The following MMP16 variants were observed in gnomAD, a reference collection of about 807,000 sequenced individuals.
The protein encoded by MMP16 is matrix metallopeptidase 16, also known as matrix metalloproteinase-16.
MMP16 carries 12 observed loss-of-function variants against 67.8 expected under a neutral mutation model. The ratio of observed to expected loss-of-function variants is 0.18; its 90% CI spans 0.11 to 0.29. MMP16 has a LOEUF of 0.29. Ranked by LOEUF, MMP16 falls within the 10% of genes least tolerant of loss-of-function variation. MMP16 has a pLI of 1.00. For missense variants in MMP16, 475 were observed against 765.7 expected (o/e 0.62, Z 4.48); for synonymous variants, 249 against 255.9 (o/e 0.97, Z 0.26).
intron 6 of MMP16, among the ~76,000 whole-genome samples, chr8:88,083,875 A>G (rs1224652763): frequency 6.6e-6 from 1 of 152,050 alleles, no homozygotes; most frequent in Non-Finnish European, 1.5e-5. Context: ...ACCTATTACT[A>G]AAAAACAGCC....
chr8:88,075,938 T>TACACACACACACACACAC (rs71556442), intron 6 of MMP16, among the ~76,000 whole-genome samples: 1,552 of 140,440 alleles, frequency 0.011, 17 homozygotes, highest in Non-Finnish European at 0.014. Flanking sequence ...CATATATTCA[T>TACACACACACACACACAC]ACACACACAC....
chr8:88,282,749 G>A (rs1810761467), intron 1 of MMP16, among the ~76,000 whole-genome samples: 1 of 152,114 alleles, frequency 6.6e-6, no homozygotes, highest in Non-Finnish European at 1.5e-5. Context: ...TTAAAAAATA[G>A]TTATGGGAAT....
intron 1 of MMP16, among the ~76,000 whole-genome samples, chr8:88,317,658 A>C (rs1291789377): frequency 6.6e-6 from 1 of 152,168 alleles, no homozygotes; most frequent in Non-Finnish European, 1.5e-5. Flanking sequence ...GGAATATTTA[A>C]ATTTTGTAAA....
At chr8:88,072,682 T>C (rs145418383) in intron 7 of MMP16, among the ~76,000 whole-genome samples, 1,723 of 152,222 alleles carry the variant, frequency 0.011, 119 homozygotes, top group Admixed American at 0.11. Context: ...GTTGCTTTAA[T>C]TGAAATGTTT....
intron 4 of MMP16, among the ~76,000 whole-genome samples, chr8:88,160,159 C>T (rs149421855): frequency 1.3e-5 from 2 of 151,838 alleles, no homozygotes; most frequent in Non-Finnish European, 2.9e-5. Context: ...GTGTCATGTT[C>T]CCCTTCCTGT....
Position 88,041,820 on chromosome 8 carries a change from A to T in MMP16, c.1490-25T>A. The T allele has an allele frequency of 6.6e-7, 1 of 1,512,504 alleles. No homozygotes were observed. The highest frequency in any genetic ancestry group is 9.1e-7 in the Non-Finnish European group (1 of 1,101,390). 93.7% of individuals were successfully genotyped at this position (1,512,504 alleles called of 1,614,324 possible). ...CCTAGGGGGAAAAACATACACACAC[A>T]CAGGTACCACTTATTTGTGACAGTG... On this transcript the variant is annotated intron_variant, in intron 9 of 9. Coordinates refer to ENST00000286614, the MANE Select transcript of MMP16 (RefSeq NM_005941.5). The surrounding 1 kb of genome is among the most constrained non-coding windows in gnomAD (Gnocchi z 6.0).
chr8:88,244,775 C>T (rs1367028880), intron 1 of MMP16, among the ~76,000 whole-genome samples: 1 of 152,148 alleles, frequency 6.6e-6, no homozygotes, highest in African/African-American at 2.4e-5. Flanking sequence ...ACCTTCGTGA[C>T]TTTCATAGAC....
chr8:88,087,315 C>A (rs1808849927), intron 6 of MMP16, among the ~76,000 whole-genome samples: 1 of 151,874 alleles, frequency 6.6e-6, no homozygotes, highest in Non-Finnish European at 1.5e-5. Flanking sequence ...GGCTTCACCT[C>A]CTCTGGGGAT....
chr8:88,280,546 C>T (rs1240626031), intron 1 of MMP16, among the ~76,000 whole-genome samples: 1 of 152,184 alleles, frequency 6.6e-6, no homozygotes, highest in Non-Finnish European at 1.5e-5. Flanking sequence ...TAATTATATA[C>T]ACAGACAGAT....
intron 1 of MMP16, among the ~76,000 whole-genome samples, chr8:88,209,075 T>C (rs1161336633): frequency 1.3e-5 from 2 of 152,224 alleles, no homozygotes; most frequent in African/African-American, 4.8e-5. Context: ...GGCTTTTCTA[T>C]GAAGCAAGCA....
chr8:88,068,446 T>C (rs545635242), intron 7 of MMP16, among the ~76,000 whole-genome samples: 1 of 152,110 alleles, frequency 6.6e-6, no homozygotes, highest in Non-Finnish European at 1.5e-5. Context: ...TGATTTTGCA[T>C]GATATCTAAG....
intron 1 of MMP16, 188 bp downstream of exon 1, chr8:88,326,887 G>T: frequency 1.7e-6 from 1 of 594,144 alleles, no homozygotes; most frequent in Non-Finnish European, 2.9e-6. Context: ...GGGGATAACG[G>T]ATTCTGGGTC....
At position 88,111,065 on chromosome 8, in the gene MMP16, G is replaced by A. The variant is rs1809326314; in HGVS notation, c.1083+5442C>T. 3.3e-5 allele frequency among the ~76,000 whole-genome samples: 5 copies of A among 151,578 alleles called. No individual in the cohort carries two copies. The Admixed American group carries it at 3.3e-4, about 10-fold the overall frequency. On this transcript the variant is annotated intron_variant, in intron 6 of 9. Transcript: ENST00000286614. The stretch of plus-strand genomic sequence containing the variant: ...TCTGTGTGGAGCATACAGCAAATGG[G>A]ATCTGACTCGAAGTCTATCTTTAAT...
intron 1 of MMP16, among the ~76,000 whole-genome samples, chr8:88,282,848 T>C (rs1054243098): frequency 6.6e-6 from 1 of 152,222 alleles, no homozygotes; most frequent in Non-Finnish European, 1.5e-5. Flanking sequence ...ACTAAATTTC[T>C]TATTTTAAAA....
intron 4 of MMP16, among the ~76,000 whole-genome samples, chr8:88,151,794 A>C (rs1240015626): frequency 6.7e-6 from 1 of 148,942 alleles, no homozygotes; most frequent in Non-Finnish European, 1.5e-5. Context: ...TAACATCACA[A>C]TTAAAAGAAC....
chr8:88,042,431 G>A (rs1407518033), intron 9 of MMP16, among the ~76,000 whole-genome samples: 4 of 152,252 alleles, frequency 2.6e-5, no homozygotes, highest in East Asian at 3.9e-4. Context: ...AAGTAAAGAC[G>A]TATTCATAGT....
At chr8:88,208,838 G>GAAAA (rs1809470239) in intron 1 of MMP16, among the ~76,000 whole-genome samples, 1 of 137,888 alleles carries the variant, frequency 7.3e-6, no homozygotes. Flanking sequence ...AAAAAAGGAA[G>GAAAA]AAAAGAAAAA....
intron 4 of MMP16, among the ~76,000 whole-genome samples, chr8:88,161,066 T>C (rs561600832): frequency 1.3e-5 from 2 of 152,190 alleles, no homozygotes; most frequent in Non-Finnish European, 1.5e-5. Context: ...CCTCATAAAA[T>C]GAGTTAGGGA....
intron 1 of MMP16, among the ~76,000 whole-genome samples, chr8:88,228,383 T>C (rs1464566028): frequency 6.6e-6 from 1 of 152,108 alleles, no homozygotes; most frequent in African/African-American, 2.4e-5. Flanking sequence ...TCACTGATAC[T>C]TTTTGAATAG....
Sources: gnomAD v4.1 joint callset for allele counts (sites outside exome capture counted in the v4.1 genomes callset) on GRCh38, gnomAD v4.1.1 for gene constraint, Gnocchi (gnomAD v3.1) non-coding constraint, MANE v1.5 for transcripts, NCBI Gene and HGNC (gene_info 2026-07-23, HGNC 2026-07-21) for gene names.